Variants in THAP3 observed in about 807,000 individuals in gnomAD.
THAP3 encodes THAP domain-containing protein 3.
THAP3 carries 12 observed loss-of-function variants against 17.7 expected under a neutral mutation model. The observed-to-expected ratio is 0.68, with a 90% CI of 0.43 to 1.10. The LOEUF (loss-of-function observed/expected upper bound fraction) is 1.10. Ranked by LOEUF, THAP3 falls within the 50% of genes least tolerant of loss-of-function variation. The pLI, the probability that THAP3 is intolerant of heterozygous loss-of-function variation, is 0.00. For synonymous variants in THAP3, 133 were observed against 126.9 expected, an observed-to-expected ratio of 1.05 and a Z score of -0.32; for missense variants, 289 against 318.0, an observed-to-expected ratio of 0.91 and a Z score of 0.69.
At chr1:6,634,216 A>C (rs1018538904), downstream of THAP3, 2 of 960,962 alleles carry the variant, frequency 2.1e-6, no homozygotes, top group Non-Finnish European at 3.1e-6. Context: ...TGTACAGTCG[A>C]CTGCAAATGA....
intron 1 of THAP3, 85 bp from the exon 2 acceptor site, chr1:6,625,065 G>A: frequency 1.2e-6 from 1 of 809,278 alleles, no homozygotes; most frequent in Non-Finnish European, 1.9e-6. Context: ...GGGGAGACGC[G>A]GGTGGCTGGG....
At chr1:6,628,455 G>A (rs556467481) in intron 2 of THAP3, 44 bp from the exon 3 acceptor site, 16 of 1,541,782 alleles carry the variant, frequency 1.0e-5, no homozygotes, top group Non-Finnish European at 1.4e-5. Context: ...TGAGGCGCTG[G>A]GTCCAGCCTT....
downstream of THAP3, chr1:6,634,405 A>G: frequency 8.2e-7 from 1 of 1,226,600 alleles, no homozygotes. Flanking sequence ...TTTCAAAACC[A>G]GAGGAAGGAG....
Position 6,625,081 on chromosome 1 carries a change from A to G in THAP3, c.-69-69A>G, listed in dbSNP as rs1641422024. Reference sequence around the variant, plus strand: ...GGGAGACGCGGGTGGCTGGGATGGCAGGATGAGCGCGCCCTGGAGGCGAGC... The same window carrying G: ...GGGAGACGCGGGTGGCTGGGATGGCGGGATGAGCGCGCCCTGGAGGCGAGC... On this transcript the variant is annotated intron_variant, in intron 1 of 5. Transcript: ENST00000054650. The G allele has an allele frequency of 4.3e-5, 41 of 963,908 alleles. 1 individual carries two copies. In the South Asian group the frequency reaches 5.3e-4, roughly 12 times the overall value. 59.7% of individuals were successfully genotyped at this position (963,908 alleles called of 1,614,324 possible). A position where few individuals can be genotyped will look rare whatever the true frequency, so the allele number is the denominator to read the frequency against.
Position 6,633,453 on chromosome 1 carries a change from G to C in THAP3, c.*376G>C, listed in dbSNP as rs533828399. 35 of 1,153,010 alleles carry C rather than the reference G, an allele frequency of 3.0e-5. No individual in the cohort carries two copies. The highest frequency in any genetic ancestry group is 3.8e-4 in the Middle Eastern group (1 of 2,598). 71.4% of individuals were successfully genotyped at this position (1,153,010 alleles called of 1,614,324 possible). ...CATGTGAGGGGGCTGGCTCTGTGGCGGGTGAGTGGTCCCCTCCTCCATCAG... is the reference window on the plus strand; with the variant it reads ...CATGTGAGGGGGCTGGCTCTGTGGCCGGTGAGTGGTCCCCTCCTCCATCAG... On this transcript the variant is annotated 3_prime_UTR_variant, in exon 6 of 6. Transcript: ENST00000054650.
At chr1:6,634,784 C>A (rs748264761), downstream of THAP3, 3 of 1,315,586 alleles carry the variant, frequency 2.3e-6, no homozygotes, top group Non-Finnish European at 3.0e-6. Context: ...TGCAGTGCCA[C>A]CTGCTGGGTA....
At chr1:6,634,659 G>T, downstream of THAP3, 1 of 1,366,486 alleles carries the variant, frequency 7.3e-7, no homozygotes, top group Non-Finnish European at 9.8e-7. Context: ...GGGGGTCCTA[G>T]CTCCGCTGCA....
At chr1:6,629,746 C>G (rs1641558905) in intron 3 of THAP3, 1 of 160,492 alleles carries the variant, frequency 6.2e-6, no homozygotes, top group Non-Finnish European at 1.4e-5. Flanking sequence ...TAGATGAACA[C>G]TTTAATCACC....
At chr1:6,635,588 C>T (rs996736795), downstream of THAP3, 165 of 1,369,206 alleles carry the variant, frequency 1.2e-4, no homozygotes, top group Non-Finnish European at 1.4e-4. Flanking sequence ...ATAAAAACAT[C>T]TGATGTCTGG....
chr1:6,625,171 C>G lies in THAP3; in HGVS notation c.-48C>G. 6.6e-7 allele frequency: 1 copy of G among 1,520,978 alleles called. No individual in the cohort carries two copies. Among genetic ancestry groups the G allele is most frequent in the Non-Finnish European group, 8.8e-7 (1 of 1,136,956 alleles). The allele number at this position is 1,520,978 out of a possible 1,614,324, so 94.2% of individuals were successfully genotyped here. On this transcript the variant is annotated 5_prime_UTR_variant, in exon 2 of 6. Coordinates refer to ENST00000054650, the MANE Select transcript of THAP3 (RefSeq NM_001195753.2). ...GCAGGTCCCTCCCCTCTCCGCAGGC[C>G]CCGCCGCCGCCGCCATCTTTGTTGG... is the stretch of plus-strand genomic sequence containing the variant.
At chr1:6,626,336 C>T (rs908094478) in intron 2 of THAP3, among the ~76,000 whole-genome samples, 2 of 152,030 alleles carry the variant, frequency 1.3e-5, no homozygotes, top group African/African-American at 2.4e-5. Context: ...TCACTACCCC[C>T]GAGAAGAACC....
downstream of THAP3, chr1:6,634,376 T>C (rs1339701371): frequency 5.9e-5 from 69 of 1,165,110 alleles, no homozygotes; most frequent in Non-Finnish European, 7.0e-5. Context: ...TGTTACAGAA[T>C]TGGACAACCC....
downstream of THAP3, chr1:6,635,561 TATA>T (rs1049787825): frequency 1.1e-5 from 12 of 1,142,366 alleles, no homozygotes; most frequent in Non-Finnish European, 1.5e-5. Context: ...TACCACCTTC[TATA>T]ATAATAATAT....
Position 6,633,371 on chromosome 1 carries a change from C to CGCAGA in THAP3, c.*298_*302dup. ...TTCTGGACGCTGTCCTTTCAGCACA[C>CGCAGA]GCAGAGCAAAGATCGTTGGAAGCCC... On this transcript the variant is annotated 3_prime_UTR_variant, in exon 6 of 6. Coordinates refer to ENST00000054650, the MANE Select transcript of THAP3 (RefSeq NM_001195753.2). 7.8e-7 allele frequency: 1 copy of CGCAGA among 1,282,240 alleles called. No individual in the cohort carries two copies. The highest frequency in any genetic ancestry group is 3.4e-5 in the Admixed American group (1 of 29,206). 79.4% of individuals were successfully genotyped at this position (1,282,240 alleles called of 1,614,324 possible).
At chr1:6,633,948 T>C, downstream of THAP3, 1 of 1,394,894 alleles carries the variant, frequency 7.2e-7, no homozygotes, top group Non-Finnish European at 1.0e-6. Flanking sequence ...TTTTGTCTAA[T>C]TTATAGCTTT....
chr1:6,625,315 C>T lies in THAP3; in HGVS notation c.74+23C>T, dbSNP rs1265924101. 6 of 1,522,580 alleles carry T rather than the reference C, an allele frequency of 3.9e-6. No individual in the cohort carries two copies. The Admixed American group carries it at 1.2e-4, about 31-fold the overall frequency. 94.3% of individuals were successfully genotyped at this position (1,522,580 alleles called of 1,614,324 possible). A position where few individuals can be genotyped will look rare whatever the true frequency, so the allele number is the denominator to read the frequency against. Reference sequence around the variant, plus strand: ...CCGGTAAGAGGCGGGGACCCGGGGGCGCGGGAGGCCCAGACCCGGGGCCCG... The same window carrying T: ...CCGGTAAGAGGCGGGGACCCGGGGGTGCGGGAGGCCCAGACCCGGGGCCCG... On this transcript the variant is annotated intron_variant, in intron 2 of 5. Transcript: ENST00000054650.
At position 6,628,555 on chromosome 1, in the gene THAP3, G is replaced by T; in HGVS notation, c.131G>T (p.Gly44Val). 1 of 1,613,798 alleles carries T rather than the reference G, an allele frequency of 6.2e-7. No individual in the cohort carries two copies. Among genetic ancestry groups the T allele is most frequent in the Non-Finnish European group, 8.5e-7 (1 of 1,179,980 alleles). ...LKEWVLNIGR[G>V]NFKPKQHTVI... is the part of the protein sequence containing the mutation. ...GAATGGGTGCTGAACATCGGCCGGG[G>T]CAACTTCAAGCCCAAGCAGCACACG... Residue 44 changes from glycine to valine, a missense_variant, in exon 3 of 6, where the codon GGC becomes GTC. Physicochemically the swap from Gly to Val is moderately radical, Grantham distance 109 (BLOSUM62 -3). Coordinates refer to ENST00000054650, the MANE Select transcript of THAP3 (RefSeq NM_001195753.2).
intron 5 of THAP3, 26 bp from the exon 6 acceptor site, chr1:6,632,770 C>CT: frequency 3.7e-6 from 6 of 1,612,208 alleles, no homozygotes; most frequent in Non-Finnish European, 5.1e-6. Context: ...TGATGCAGCT[C>CT]TAGGCTCTCA....
At chr1:6,628,432 T>G in intron 2 of THAP3, 67 bp from the exon 3 acceptor site, 1 of 1,389,026 alleles carries the variant, frequency 7.2e-7, no homozygotes, top group Non-Finnish European at 9.7e-7. Flanking sequence ...GATGTGAAAA[T>G]TCCGAATGAC....
Sources: gnomAD v4.1 joint callset for allele counts (sites outside exome capture counted in the v4.1 genomes callset) on GRCh38, gnomAD v4.1.1 for gene constraint, MANE v1.5 for transcripts, NCBI Gene and HGNC (gene_info 2026-07-23, HGNC 2026-07-21) for gene names.